Variants in YME1L1 observed in about 807,000 individuals in gnomAD.
The protein encoded by YME1L1 is ATP-dependent zinc metalloprotease YME1L1.
In YME1L1, 39 loss-of-function variants were observed where a neutral mutation model predicts 90.4. The observed-to-expected ratio is 0.43, with a 90% CI of 0.33 to 0.56. The LOEUF (loss-of-function observed/expected upper bound fraction) is 0.56. Among genes scored for constraint, YME1L1 ranks in the 20% least tolerant of loss-of-function variants. The pLI is 0.03. For synonymous variants in YME1L1, 284 were observed against 287.3 expected (o/e 0.99, Z 0.12); for missense variants, 617 against 868.4 (o/e 0.71, Z 3.64).
At position 27,112,013 on chromosome 10, in the gene YME1L1, T is replaced by G; in HGVS notation, c.2115A>C (p.Gln705His). The part of the protein sequence containing the change: ...TYETLDAKEI[Q>H]IVLEGKKLEV... The stretch of plus-strand genomic sequence containing the variant: ...CCAACTTTTTCCCCTCAAGAACAAT[T>G]TGAATCTCTTTGGCATCCAAAGTCT... Residue 705 changes from glutamine to histidine, a missense_variant, in exon 19 of 19, where the codon CAA becomes CAC. Around this residue, in one of 4 missense-constraint regions of YME1L1, gnomAD observed 212 missense variants for 330.0 expected, o/e 0.64. Transcript: ENST00000376016. The G allele has an allele frequency of 6.2e-7, 1 of 1,614,102 alleles. No individual in the cohort carries two copies. The highest frequency in any genetic ancestry group is 8.5e-7 in the Non-Finnish European group (1 of 1,180,008).
Position 27,114,510 on chromosome 10 carries a change from A to T in YME1L1, c.2007+11T>A. ...CCTAAGAAAATAAATAAGCACAAAA[A>T]ATATTATTACCCTTAGAAGGATTCT... On this transcript the variant is annotated intron_variant, in intron 18 of 18. Coordinates refer to ENST00000376016, the MANE Select transcript of YME1L1 (RefSeq NM_014263.4). 6.3e-7 allele frequency: 1 copy of T among 1,599,108 alleles called. No individual in the cohort carries two copies.
chr10:27,127,763 A>G (rs529588425), intron 8 of YME1L1, among the ~76,000 whole-genome samples: 4 of 152,216 alleles, frequency 2.6e-5, no homozygotes, highest in African/African-American at 7.2e-5. Context: ...CTAAGGTTCT[A>G]TTTCTTGAGC....
At position 27,117,557 on chromosome 10, in the gene YME1L1, G is replaced by A. The variant is rs1200416047; in HGVS notation, c.1719+19C>T. On this transcript the variant is annotated intron_variant, in intron 15 of 18. Transcript: ENST00000376016. Reference sequence around the variant, plus strand: ...CACTCCAGCCTGGGTGACAGGGCGAGACACTACAAAAAACTTACATGTCCA... The same window carrying A: ...CACTCCAGCCTGGGTGACAGGGCGAAACACTACAAAAAACTTACATGTCCA... 4.2e-5 allele frequency: 67 copies of A among 1,611,202 alleles called. No homozygotes were observed. Among genetic ancestry groups the A allele is most frequent in the Non-Finnish European group, 5.4e-5 (64 of 1,178,776 alleles).
At chr10:27,119,159 A>G in intron 14 of YME1L1, 135 bp downstream of exon 14, 1 of 876,668 alleles carries the variant, frequency 1.1e-6, no homozygotes. Flanking sequence ...TTGAAAACCC[A>G]GACACTGAAG....
In YME1L1 at chr10:27,126,630, T is replaced by G. The variant is rs1337075187; in HGVS notation, c.949+66A>C. 2.0e-5 allele frequency: 17 copies of G among 841,750 alleles called. No individual in the cohort carries two copies. In the Admixed American group the frequency reaches 2.5e-4, roughly 12 times the overall value. The allele number at this position is 841,750 out of a possible 1,614,324, so 52.1% of individuals were successfully genotyped here. ...GTTAAAATTAAATAAGTAATATAGG[T>G]TTTTTTTGTTTGTTTCTTTGTTTTT... On this transcript the variant is annotated intron_variant, in intron 9 of 18. Coordinates refer to ENST00000376016, the MANE Select transcript of YME1L1 (RefSeq NM_014263.4).
intron 2 of YME1L1, chr10:27,147,542 C>A: frequency 6.2e-7 from 1 of 1,611,422 alleles, no homozygotes; most frequent in Non-Finnish European, 8.5e-7. Flanking sequence ...TGCCAGTTAT[C>A]GGTTGTGTCC....
rs1348606842 is a variant in YME1L1 at position 27,113,237 on chromosome 10, A to T, written c.2008-1117T>A. The stretch of plus-strand genomic sequence containing the variant: ...GCTGTCTCAAAAAAAAAAAAAAAAA[A>T]AAAAAAAAAAAAAAAAAAAAAAAAA... On this transcript the variant is annotated intron_variant, in intron 18 of 18. Transcript: ENST00000376016. Among the ~76,000 whole-genome samples the T allele has an allele frequency of 2.9e-3, 401 of 136,710 alleles. 9 individuals are homozygous for T. The highest frequency in any genetic ancestry group is 7.6e-3 in the Middle Eastern group (2 of 264). 89.7% of individuals were successfully genotyped at this position (136,710 alleles called of 152,430 possible). A position where few individuals can be genotyped will look rare whatever the true frequency, so the allele number is the denominator to read the frequency against.
intron 5 of YME1L1, 95 bp from the exon 6 acceptor site, chr10:27,135,076 T>C (rs1298020520): frequency 8.0e-7 from 1 of 1,250,210 alleles, no homozygotes; most frequent in African/African-American, 1.5e-5. Context: ...TAAAATTCTG[T>C]ATAATTTTTA....
chr10:27,143,558 C>T (rs761479661), intron 3 of YME1L1, among the ~76,000 whole-genome samples: 42 of 148,810 alleles, frequency 2.8e-4, no homozygotes, highest in Non-Finnish European at 4.8e-4. Flanking sequence ...ATTAGCCGGG[C>T]GTGGTGGCGG....
intron 18 of YME1L1, among the ~76,000 whole-genome samples, chr10:27,112,575 T>C (rs1236729647): frequency 6.6e-6 from 1 of 152,196 alleles, no homozygotes; most frequent in East Asian, 1.9e-4. Flanking sequence ...TACCCTCTTA[T>C]ATAATGCACT....
intron 13 of YME1L1, 89 bp downstream of exon 13, chr10:27,120,346 T>A: frequency 1.2e-6 from 1 of 866,986 alleles, no homozygotes; most frequent in South Asian, 1.9e-5. Context: ...TCTTTTAATG[T>A]TAATACATGT....
chr10:27,145,374 T>C, intron 3 of YME1L1, 54 bp downstream of exon 3: 1 of 1,404,842 alleles, frequency 7.1e-7, no homozygotes, highest in South Asian at 1.5e-5. Flanking sequence ...ATGGTATCTA[T>C]AATTATTAAT....
chr10:27,121,587 T>A, intron 11 of YME1L1, 139 bp from the exon 12 acceptor site: 1 of 604,698 alleles, frequency 1.7e-6, no homozygotes, highest in Non-Finnish European at 3.0e-6. Context: ...CGCACCAGTA[T>A]GATCATAGCT....
At chr10:27,123,453 AAAGG>A in intron 10 of YME1L1, 90 bp downstream of exon 10, 1 of 1,423,164 alleles carries the variant, frequency 7.0e-7, no homozygotes, top group Non-Finnish European at 9.5e-7. Context: ...GAAATTAAAA[AAAGG>A]AAGAAAAAAA....
chr10:27,120,655 G>A (rs1432241130), intron 12 of YME1L1, 108 bp from the exon 13 acceptor site: 14 of 740,508 alleles, frequency 1.9e-5, no homozygotes, highest in East Asian at 1.4e-4. Flanking sequence ...CAGCCAGAGC[G>A]CAGATGGAGT....
intron 4 of YME1L1, among the ~76,000 whole-genome samples, chr10:27,140,013 TTTTTTC>T (rs2057070529): frequency 6.6e-6 from 1 of 152,188 alleles, no homozygotes; most frequent in Non-Finnish European, 1.5e-5. Context: ...TCTTAAATTT[TTTTTTC>T]TTTTTGAGAC....
In YME1L1 at chr10:27,145,580, T is replaced by G; in HGVS notation, c.179A>C (p.Asn60Thr). Residue 60 changes from asparagine (N) to threonine (T), a missense_variant, in exon 3 of 19, where the codon AAC becomes ACC. Transcript: ENST00000376016. ...HEAPSSEPSL[N>T]LRDLGLSELK... ...TTCAGATAATCCAAGGTCCCTTAAG[T>G]TAAGTGAAGGCTGTAAAAGATTGGG... 1.2e-6 allele frequency: 2 copies of G among 1,612,476 alleles called. No homozygotes were observed. Among genetic ancestry groups the G allele is most frequent in the Non-Finnish European group, 1.7e-6 (2 of 1,179,046 alleles).
Position 27,145,443 on chromosome 10 carries a change from A to T in YME1L1, c.316T>A (p.Phe106Ile). Residue 106 changes from phenylalanine (F) to isoleucine (I), a missense_variant, in exon 3 of 19, where the codon TTT (phenylalanine) becomes ATT (isoleucine). By Grantham distance (21) the Phe-to-Ile change is conservative. Transcript: ENST00000376016. The stretch of plus-strand genomic sequence containing the variant: ...ATTAACATACCATATTTATTTTCAA[A>T]GAAGGATTGTGCAGAGACATGGGAT... ...HTSHVSAQSF[F>I]ENKYGNLDIF... The T allele has an allele frequency of 6.2e-7, 1 of 1,605,624 alleles. No individual in the cohort carries two copies.
rs1473748682 is a variant in YME1L1 at position 27,148,960 on chromosome 10, A to G, written c.114T>C (p.Val38=). Residue 38 remains valine, a synonymous_variant, in exon 2 of 19, where the codon GTT becomes GTC. Transcript: ENST00000376016. ...NTSVSLSGVS[V]SQNQHRDVVP... Reference sequence around the variant, plus strand: ...CTACATCTCGATGCTGGTTTTGAGAAACTGACACTCCACTGAGAGAAACAG... The same window carrying G: ...CTACATCTCGATGCTGGTTTTGAGAGACTGACACTCCACTGAGAGAAACAG... 1 of 1,614,156 alleles carries G rather than the reference A, an allele frequency of 6.2e-7. No individual in the cohort carries two copies. Among genetic ancestry groups the G allele is most frequent in the Admixed American group, 1.7e-5 (1 of 60,030 alleles).
Sources: allele counts gnomAD v4.1 joint callset (sites outside exome capture counted in the v4.1 genomes callset), GRCh38; gene constraint gnomAD v4.1.1; regional missense constraint gnomAD v4.1.1; transcripts MANE v1.5; gene names NCBI Gene and HGNC (gene_info 2026-07-23, HGNC 2026-07-21).